The following SLIT3 variants were observed in gnomAD, a reference collection of about 807,000 sequenced individuals.
SLIT3 encodes the protein slit guidance ligand 3.
Under a neutral mutation model 184.0 loss-of-function variants are expected in SLIT3, and 68 were observed. That is an observed-to-expected ratio of 0.37 (90% CI 0.30 to 0.45). The LOEUF (loss-of-function observed/expected upper bound fraction) is 0.45, where lower values mean the gene tolerates loss of function less well. Among genes scored for constraint, SLIT3 ranks in the 20% least tolerant of loss-of-function variants. The probability of loss-of-function intolerance (pLI) is 1.00; values close to 1 mark genes in which losing one functional copy is unlikely to be tolerated. For missense variants in SLIT3, 1,707 were observed against 2,026.0 expected (o/e 0.84, Z 3.02); for synonymous variants, 831 against 828.6 (o/e 1.00, Z -0.05).
At chr5:168,702,263 C>T (rs1310049010) in intron 26 of SLIT3, among the ~76,000 whole-genome samples, 5 of 152,186 alleles carry the variant, frequency 3.3e-5, no homozygotes, top group African/African-American at 4.8e-5. Flanking sequence ...TATTCATGAT[C>T]GCATATCATG....
intron 29 of SLIT3, among the ~76,000 whole-genome samples, chr5:168,692,254 T>C (rs183273949): frequency 8.5e-5 from 13 of 152,358 alleles, no homozygotes; most frequent in Middle Eastern, 3.4e-3. Context: ...ATTGCTCTAC[T>C]TCTTTAGCTC....
intron 4 of SLIT3, among the ~76,000 whole-genome samples, chr5:169,107,287 G>T (rs1760247409): frequency 6.6e-6 from 1 of 152,148 alleles, no homozygotes; most frequent in South Asian, 2.1e-4. Context: ...TGAAGGTGTT[G>T]GGGAGGTGGA....
intron 4 of SLIT3, among the ~76,000 whole-genome samples, chr5:169,005,807 G>A (rs1011204928): frequency 9.2e-5 from 14 of 152,218 alleles, no homozygotes; most frequent in Non-Finnish European, 2.1e-4. Flanking sequence ...GGCACTCTGC[G>A]CCTTTGGAGC....
In SLIT3 at chr5:169,274,455, T is replaced by C. The variant is rs564158640; in HGVS notation, c.198-22996A>G. ...GTTGTATAAAAAACAGATAAGATAA[T>C]GTATAAAATTCACTAGTACAGTGCC... On this transcript the variant is annotated intron_variant, in intron 1 of 35. Transcript: ENST00000519560. 2.6e-5 allele frequency among the ~76,000 whole-genome samples: 4 copies of C among 152,234 alleles called. No individual in the cohort carries two copies. In the East Asian group the frequency reaches 7.7e-4, roughly 29 times the overall value.
chr5:169,138,465 C>G (rs1385813428), intron 4 of SLIT3, among the ~76,000 whole-genome samples: 1 of 152,066 alleles, frequency 6.6e-6, no homozygotes, highest in African/African-American at 2.4e-5. Flanking sequence ...ATTTCTTTAA[C>G]CCCTTCCCCC....
chr5:169,079,402 A>G (rs1561648800), intron 4 of SLIT3, among the ~76,000 whole-genome samples: 1 of 150,610 alleles, frequency 6.6e-6, no homozygotes, highest in Non-Finnish European at 1.5e-5. Context: ...AGCTGAAACG[A>G]AAACTCCCAC....
At chr5:169,133,608 G>C (rs896908269) in intron 4 of SLIT3, among the ~76,000 whole-genome samples, 1 of 152,228 alleles carries the variant, frequency 6.6e-6, no homozygotes, top group East Asian at 1.9e-4. Context: ...CTAGATTAAG[G>C]GGGAGGGAGA....
chr5:168,978,985 G>A (rs1052185781), intron 4 of SLIT3, among the ~76,000 whole-genome samples: 1 of 152,126 alleles, frequency 6.6e-6, no homozygotes, highest in Non-Finnish European at 1.5e-5. Context: ...TGTAATAAAA[G>A]CAGGATGTGT....
At chr5:169,105,964 T>C (rs1041424408) in intron 4 of SLIT3, among the ~76,000 whole-genome samples, 2 of 150,274 alleles carry the variant, frequency 1.3e-5, no homozygotes, top group Non-Finnish European at 3.0e-5. Flanking sequence ...TTTCTTTGGG[T>C]ATATAACCAG....
intron 4 of SLIT3, chr5:169,012,878 G>A (rs926947955): frequency 2.6e-5 from 4 of 152,232 alleles, no homozygotes; most frequent in Non-Finnish European, 1.5e-5. Flanking sequence ...TCACGGAGGA[G>A]CCTGGGCCAC....
chr5:168,922,615 T>A (rs1160593218), intron 4 of SLIT3, among the ~76,000 whole-genome samples: 1 of 152,154 alleles, frequency 6.6e-6, no homozygotes, highest in Non-Finnish European at 1.5e-5. Flanking sequence ...TCAGAGCTGG[T>A]CTTCAACTGC....
chr5:168,701,717 T>TA (rs1762219431), intron 26 of SLIT3, among the ~76,000 whole-genome samples: 2 of 152,184 alleles, frequency 1.3e-5, no homozygotes, highest in African/African-American at 4.8e-5. Context: ...CAGGACCTGG[T>TA]AGCGTGGGGC....
intron 4 of SLIT3, among the ~76,000 whole-genome samples, chr5:169,075,101 C>T (rs934067032): frequency 6.6e-6 from 1 of 152,084 alleles, no homozygotes; most frequent in Admixed American, 6.5e-5. Flanking sequence ...TAATACATCA[C>T]CGAGAGACTC....
At position 168,671,260 on chromosome 5, in the gene SLIT3, G is replaced by A. The variant is rs1349901817; in HGVS notation, c.4065C>T (p.Cys1355=). ...SVEKDSVVCE[C]RPGWTGPLCD... The stretch of plus-strand genomic sequence containing the variant: ...AGAGTGGGCCGGTCCAGCCTGGGCG[G>A]CACTCGCACACCACGCTGTCCTTCT... Residue 1355 remains cysteine, a synonymous_variant, in exon 34 of 36, where the codon TGC becomes TGT. Coordinates refer to ENST00000519560, the MANE Select transcript of SLIT3 (RefSeq NM_003062.4). 1.2e-6 allele frequency: 2 copies of A among 1,613,466 alleles called. No homozygotes were observed. Among genetic ancestry groups the A allele is most frequent in the Non-Finnish European group, 1.7e-6 (2 of 1,179,890 alleles).
At chr5:169,138,711 C>G (rs1761616491) in intron 4 of SLIT3, among the ~76,000 whole-genome samples, 1 of 152,214 alleles carries the variant, frequency 6.6e-6, no homozygotes, top group Non-Finnish European at 1.5e-5. Flanking sequence ...GCGTGTTCTC[C>G]CCTCTGTGGT....
At chr5:168,872,241 G>A (rs1047154937) in intron 5 of SLIT3, among the ~76,000 whole-genome samples, 6 of 152,216 alleles carry the variant, frequency 3.9e-5, no homozygotes, top group Non-Finnish European at 8.8e-5. Context: ...GGGTTTGGGG[G>A]AATGGAAGGA....
chr5:169,099,732 T>A (rs1189599140), intron 4 of SLIT3, among the ~76,000 whole-genome samples: 1 of 152,176 alleles, frequency 6.6e-6, no homozygotes, highest in East Asian at 1.9e-4. Flanking sequence ...TGTATGCTCA[T>A]GGTGTAGCTG....
At chr5:169,158,927 T>G (rs1336207995) in intron 4 of SLIT3, among the ~76,000 whole-genome samples, 4 of 152,148 alleles carry the variant, frequency 2.6e-5, no homozygotes, top group Admixed American at 1.3e-4. Context: ...AAAAATAAAA[T>G]GGCAGACTTG....
rs1490352193 is a variant in SLIT3 at position 168,945,134 on chromosome 5, T to C, written c.414-61798A>G. Among the ~76,000 whole-genome samples the C allele has an allele frequency of 4.6e-5, 7 of 152,110 alleles. No homozygotes were observed. In the East Asian group the frequency reaches 1.4e-3, roughly 29 times the overall value. On this transcript the variant is annotated intron_variant, in intron 4 of 35. Transcript: ENST00000519560. Reference sequence around the variant, plus strand: ...CCCTGCTAGCTCATGCCCCACAAAGTCACATCACACTGATAACATATCAGG... The same window carrying C: ...CCCTGCTAGCTCATGCCCCACAAAGCCACATCACACTGATAACATATCAGG...
Sources: gnomAD v4.1 joint callset for allele counts (sites outside exome capture counted in the v4.1 genomes callset) on GRCh38, gnomAD v4.1.1 for gene constraint, MANE v1.5 for transcripts, NCBI Gene and HGNC (gene_info 2026-07-23, HGNC 2026-07-21) for gene names.